TPRG1: variants seen among roughly 807,000 people sequenced by gnomAD.
TPRG1 encodes tumor protein p63 regulated 1, also known as tumor protein p63-regulated gene 1 protein.
A neutral mutation model predicts 29.3 loss-of-function variants in TPRG1; 29 were observed. The observed-to-expected ratio is 0.99, with a 90% CI of 0.74 to 1.35. TPRG1 has a LOEUF of 1.35. Ranked by LOEUF, TPRG1 falls within the 40% of genes most tolerant of loss-of-function variation. TPRG1 has a pLI of 0.00. For missense variants in TPRG1, 327 were observed against 335.0 expected, an observed-to-expected ratio of 0.98 and a Z score of 0.19; for synonymous variants, 130 against 116.8, an observed-to-expected ratio of 1.11 and a Z score of -0.73.
intron 1 of TPRG1, among the ~76,000 whole-genome samples, chr3:189,102,800 A>G (rs1245046676): frequency 6.6e-6 from 1 of 152,044 alleles, no homozygotes; most frequent in East Asian, 1.9e-4. Context: ...GTGCTTCATC[A>G]TGTTAATATT....
At chr3:189,247,713 G>C (rs1741567421) in intron 4 of TPRG1, among the ~76,000 whole-genome samples, 1 of 151,768 alleles carries the variant, frequency 6.6e-6, no homozygotes, top group African/African-American at 2.4e-5. Flanking sequence ...TCTATGCCTA[G>C]TTACTGAATT....
upstream of TPRG1, among the ~76,000 whole-genome samples, chr3:189,167,718 C>A (rs534975555): frequency 6.6e-6 from 1 of 152,244 alleles, no homozygotes; most frequent in Non-Finnish European, 1.5e-5. Context: ...AGTGGAGGAC[C>A]CTCACTGGGT....
chr3:189,035,561 C>T (rs1714210751), intron 4 of TPRG1, among the ~76,000 whole-genome samples: 1 of 152,044 alleles, frequency 6.6e-6, no homozygotes, highest in Admixed American at 6.6e-5. Context: ...TATCTAGAAT[C>T]TATAAGGAAC....
chr3:189,047,672 G>A (rs1715061144), intron 4 of TPRG1, among the ~76,000 whole-genome samples: 2 of 152,168 alleles, frequency 1.3e-5, no homozygotes, highest in South Asian at 2.1e-4. Flanking sequence ...CCCTGCTGCT[G>A]CTTTATCTTC....
chr3:189,085,159 C>T lies in TPRG1; in HGVS notation c.-462-41898C>T, dbSNP rs114273491. Among the ~76,000 whole-genome samples, 382 of 152,106 alleles carry T rather than the reference C, an allele frequency of 2.5e-3. 2 individuals carry two copies. Among genetic ancestry groups the T allele is most frequent in the African/African-American group, 8.2e-3 (339 of 41,484 alleles). Reference sequence around the variant, plus strand: ...CTTGACTCTAAAAACAAAACAAAAGCGAAAAGCAAGTACCGGGCTCTGTTA... The same window carrying T: ...CTTGACTCTAAAAACAAAACAAAAGTGAAAAGCAAGTACCGGGCTCTGTTA... On this transcript the variant is annotated intron_variant, in intron 4 of 10. Transcript: ENST00000433971.
At chr3:189,110,211 G>C (rs550249869) in intron 1 of TPRG1, among the ~76,000 whole-genome samples, 1 of 152,200 alleles carries the variant, frequency 6.6e-6, no homozygotes, top group African/African-American at 2.4e-5. Context: ...GTGGCTGTAA[G>C]TTTGCATTCT....
chr3:189,222,530 C>T (rs1273675082), intron 3 of TPRG1, among the ~76,000 whole-genome samples: 3 of 152,148 alleles, frequency 2.0e-5, no homozygotes, highest in Non-Finnish European at 4.4e-5. Context: ...ACCAGCATCA[C>T]CTGGGAGCTT....
intron 4 of TPRG1, among the ~76,000 whole-genome samples, chr3:189,284,608 T>C (rs1717740569): frequency 6.6e-6 from 1 of 152,142 alleles, no homozygotes; most frequent in Admixed American, 6.5e-5. Flanking sequence ...GTATCATTGT[T>C]GGACATTTGG....
intron 1 of TPRG1, among the ~76,000 whole-genome samples, chr3:189,198,127 G>A (rs1450594761): frequency 1.3e-5 from 2 of 152,154 alleles, no homozygotes; most frequent in Admixed American, 1.3e-4. Flanking sequence ...TTGGGTTTGG[G>A]GGTGGGCGGC....
upstream of TPRG1, among the ~76,000 whole-genome samples, chr3:189,170,703 C>T (rs1236142154): frequency 2.0e-5 from 3 of 152,136 alleles, no homozygotes; most frequent in South Asian, 2.1e-4. Flanking sequence ...ATGACGTCCT[C>T]GACACGGTGG....
intron 3 of TPRG1, among the ~76,000 whole-genome samples, chr3:189,234,331 T>C (rs1739119080): frequency 6.6e-6 from 1 of 152,156 alleles, no homozygotes; most frequent in African/African-American, 2.4e-5. Context: ...TTTAATGTGT[T>C]TATGGTCAGA....
At chr3:189,100,365 G>A (rs145741712) in intron 1 of TPRG1, among the ~76,000 whole-genome samples, 100 of 152,214 alleles carry the variant, frequency 6.6e-4, no homozygotes, top group African/African-American at 2.3e-3. Flanking sequence ...GTATCTTTGG[G>A]GAAAATGAAA....
At chr3:189,140,174 G>A (rs1027608490) in intron 3 of TPRG1, among the ~76,000 whole-genome samples, 2 of 152,200 alleles carry the variant, frequency 1.3e-5, no homozygotes, top group Non-Finnish European at 2.9e-5. Flanking sequence ...ATACACTTGA[G>A]ACTCCTTTAT....
At chr3:189,223,910 T>G (rs1307211069) in intron 3 of TPRG1, among the ~76,000 whole-genome samples, 1 of 152,194 alleles carries the variant, frequency 6.6e-6, no homozygotes, top group Non-Finnish European at 1.5e-5. Flanking sequence ...ATACATTTAT[T>G]TATTTTTTTA....
At position 189,041,567 on chromosome 3, in the gene TPRG1, G is replaced by A. The variant is rs553227835; in HGVS notation, c.-463+17621G>A. Among the ~76,000 whole-genome samples, 5 of 152,298 alleles carry A rather than the reference G, an allele frequency of 3.3e-5. No individual in the cohort carries two copies. The East Asian group carries it at 9.7e-4, about 29-fold the overall frequency. On this transcript the variant is annotated intron_variant, in intron 4 of 10. Transcript: ENST00000433971. Reference sequence around the variant, plus strand: ...CAAAGCAAAACTGCACATGGGGCATGGGCAAGGCACTCATGGCTTCCCTTC... The same window carrying A: ...CAAAGCAAAACTGCACATGGGGCATAGGCAAGGCACTCATGGCTTCCCTTC...
intron 4 of TPRG1, among the ~76,000 whole-genome samples, chr3:189,286,364 A>G (rs548328947): frequency 2.0e-5 from 3 of 152,166 alleles, no homozygotes; most frequent in African/African-American, 7.2e-5. Flanking sequence ...TCCTGTCTCC[A>G]TGCCAGAAGG....
In TPRG1 at chr3:189,051,025, A is replaced by G. The variant is rs376325247; in HGVS notation, c.-463+27079A>G. Among the ~76,000 whole-genome samples the G allele has an allele frequency of 2.6e-5, 4 of 152,236 alleles. No homozygotes were observed. The East Asian group carries it at 5.8e-4, about 22-fold the overall frequency. ...AGCATTCCCTCTGAGAACTGGAACAAGAAAAGGATGCCCACTCTCACCACT... is the reference window on the plus strand; with the variant it reads ...AGCATTCCCTCTGAGAACTGGAACAGGAAAAGGATGCCCACTCTCACCACT... On this transcript the variant is annotated intron_variant, in intron 4 of 10. Transcript: ENST00000433971.
chr3:189,161,276 G>A (rs1348136447), intron 5 of TPRG1, among the ~76,000 whole-genome samples: 1 of 152,198 alleles, frequency 6.6e-6, no homozygotes, highest in African/African-American at 2.4e-5. Context: ...TTTTGCTATA[G>A]AAGCAGTACA....
chr3:189,031,918 T>C (rs1713954401), intron 4 of TPRG1, among the ~76,000 whole-genome samples: 1 of 150,740 alleles, frequency 6.6e-6, no homozygotes, highest in African/African-American at 2.4e-5. Context: ...GCTAATAGAG[T>C]TTGGGAAAGA....
Sources: gnomAD v4.1 joint callset for allele counts (sites outside exome capture counted in the v4.1 genomes callset) on GRCh38, gnomAD v4.1.1 for gene constraint, MANE v1.5 for transcripts, NCBI Gene and HGNC (gene_info 2026-07-23, HGNC 2026-07-21) for gene names.